Variants in LCLAT1 observed in about 807,000 individuals in gnomAD.
LCLAT1 encodes the protein lysocardiolipin acyltransferase 1.
LCLAT1 carries 11 observed loss-of-function variants against 30.7 expected under a neutral mutation model. That is an observed-to-expected ratio of 0.36 (90% CI 0.23 to 0.59). The LOEUF (loss-of-function observed/expected upper bound fraction) is 0.59. Among genes scored for constraint, LCLAT1 ranks in the 20% least tolerant of loss-of-function variants. The pLI is 0.77. For synonymous variants in LCLAT1, 155 were observed against 151.3 expected (o/e 1.02, Z -0.18); for missense variants, 402 against 458.6 (o/e 0.88, Z 1.13).
At chr2:30,525,880 G>A in intron 2 of LCLAT1, 125 bp downstream of exon 2, 1 of 727,836 alleles carries the variant, frequency 1.4e-6, no homozygotes, top group East Asian at 2.5e-5. Flanking sequence ...ACATCCTTCT[G>A]TATGCTTTAA....
At position 30,525,800 on chromosome 2, in the gene LCLAT1, T is replaced by G. The variant is rs1685690427; in HGVS notation, c.165+45T>G. The G allele has an allele frequency of 4.5e-6, 7 of 1,555,162 alleles. No individual in the cohort carries two copies. In the Admixed American group the frequency reaches 5.1e-5, roughly 11 times the overall value. On this transcript the variant is annotated intron_variant, in intron 2 of 5. Transcript: ENST00000379509. The stretch of plus-strand genomic sequence containing the variant: ...AGACTGTCTGCTTGTACTAGAGTGC[T>G]CCCCACCCCTGATAGATACCTAAAT...
chr2:30,562,441 C>T, intron 4 of LCLAT1, 149 bp downstream of exon 4: 1 of 566,818 alleles, frequency 1.8e-6, no homozygotes, highest in East Asian at 3.0e-5. Flanking sequence ...GAGGCTGAGA[C>T]TGGAAGATGG....
At chr2:30,601,845 CAACAA>C (rs1451614028) in intron 5 of LCLAT1, among the ~76,000 whole-genome samples, 2 of 149,840 alleles carry the variant, frequency 1.3e-5, no homozygotes, top group African/African-American at 2.5e-5. Flanking sequence ...TATTTATCTA[CAACAA>C]AACAAGGATC....
intron 5 of LCLAT1, among the ~76,000 whole-genome samples, chr2:30,584,670 G>A (rs1205330310): frequency 6.6e-6 from 1 of 152,174 alleles, no homozygotes; most frequent in Non-Finnish European, 1.5e-5. Context: ...AGATACTGAT[G>A]CAGCTTAGCA....
At chr2:30,494,030 AAAAT>A (rs947174554) in intron 1 of LCLAT1, among the ~76,000 whole-genome samples, 10 of 152,032 alleles carry the variant, frequency 6.6e-5, no homozygotes, top group East Asian at 1.9e-4. Flanking sequence ...TAAGTAATTA[AAAAT>A]AAATAAATAA....
chr2:30,569,753 A>G (rs2148452277), intron 5 of LCLAT1, among the ~76,000 whole-genome samples: 1 of 152,374 alleles, frequency 6.6e-6, no homozygotes, highest in Middle Eastern at 3.4e-3. Context: ...ATTCAAAATC[A>G]CATGGTATGG....
chr2:30,564,141 T>G (rs1316890462), intron 4 of LCLAT1, among the ~76,000 whole-genome samples: 1 of 152,150 alleles, frequency 6.6e-6, no homozygotes, highest in Non-Finnish European at 1.5e-5. Flanking sequence ...AAATTATAAG[T>G]GACAGGTGGC....
At chr2:30,591,518 A>G (rs984862944) in intron 5 of LCLAT1, among the ~76,000 whole-genome samples, 3 of 152,220 alleles carry the variant, frequency 2.0e-5, no homozygotes, top group Non-Finnish European at 4.4e-5. Context: ...CTTTAAACAA[A>G]GTAGTATGTT....
intron 5 of LCLAT1, among the ~76,000 whole-genome samples, chr2:30,585,951 T>A (rs1666414143): frequency 6.6e-6 from 1 of 152,132 alleles, no homozygotes; most frequent in Non-Finnish European, 1.5e-5. Context: ...TAAACTAGGT[T>A]GCTTAAAACA....
chr2:30,605,529 G>T (rs542547464), intron 5 of LCLAT1, among the ~76,000 whole-genome samples: 8 of 152,240 alleles, frequency 5.3e-5, no homozygotes, highest in Admixed American at 3.3e-4. Flanking sequence ...CTGCTTTAGT[G>T]TTTAAGAAAG....
intron 3 of LCLAT1, among the ~76,000 whole-genome samples, chr2:30,551,958 C>T (rs960358957): frequency 2.0e-5 from 3 of 152,176 alleles, no homozygotes; most frequent in African/African-American, 7.2e-5. Flanking sequence ...ACCTTAAATT[C>T]GTCTGATTAG....
intron 4 of LCLAT1, among the ~76,000 whole-genome samples, chr2:30,566,435 T>G (rs1169146778): frequency 6.6e-6 from 1 of 152,190 alleles, no homozygotes; most frequent in African/African-American, 2.4e-5. Context: ...TGAGAGGAAC[T>G]TACTACTCTT....
chr2:30,503,086 G>T (rs1183527103), intron 1 of LCLAT1, among the ~76,000 whole-genome samples: 1 of 152,308 alleles, frequency 6.6e-6, no homozygotes, highest in African/African-American at 2.4e-5. Flanking sequence ...TAGGAAAGGG[G>T]CAGTAACTTC....
At chr2:30,470,877 TTTTA>T (rs1169466992) in intron 1 of LCLAT1, among the ~76,000 whole-genome samples, 18 of 151,982 alleles carry the variant, frequency 1.2e-4, no homozygotes, top group Admixed American at 9.2e-4. Context: ...TAGTATTGTC[TTTTA>T]TTTATTTATT....
At chr2:30,506,011 C>T (rs943168216) in intron 1 of LCLAT1, among the ~76,000 whole-genome samples, 4 of 152,034 alleles carry the variant, frequency 2.6e-5, no homozygotes, top group Non-Finnish European at 2.9e-5. Flanking sequence ...TTATTAAATC[C>T]ATTAACGGTT....
chr2:30,568,107 C>A lies in LCLAT1; in HGVS notation c.559C>A (p.Gln187Lys). 1 of 1,609,044 alleles carries A rather than the reference C, an allele frequency of 6.2e-7. No individual in the cohort carries two copies. Among genetic ancestry groups the A allele is most frequent in the African/African-American group, 1.3e-5 (1 of 74,814 alleles). ...SNAFAEKNGL[Q>K]KYEYVLHPRT... ...TGCATTTGCTGAAAAAAATGGACTT[C>A]AGAAATATGAATATGTTTTACATCC... Residue 187 changes from glutamine (Q) to lysine (K), a missense_variant, in exon 5 of 6, where the codon CAG becomes AAG. Physicochemically the swap from Gln to Lys is moderately conservative, Grantham distance 53 (BLOSUM62 1). Coordinates refer to ENST00000379509, the MANE Select transcript of LCLAT1 (RefSeq NM_001002257.3).
At position 30,502,049 on chromosome 2, in the gene LCLAT1, T is replaced by G. The variant is rs138032413; in HGVS notation, c.-4-23538T>G. On this transcript the variant is annotated intron_variant, in intron 1 of 5. Coordinates refer to ENST00000379509, the MANE Select transcript of LCLAT1 (RefSeq NM_001002257.3). ...GATATTTTTTGTTAATATGTAAAAATTATACTAGTTGCACACAATTTGGAA... is the reference window on the plus strand; with the variant it reads ...GATATTTTTTGTTAATATGTAAAAAGTATACTAGTTGCACACAATTTGGAA... Among the ~76,000 whole-genome samples the G allele has an allele frequency of 3.0e-3, 457 of 152,270 alleles. 2 individuals carry two copies. The highest frequency in any genetic ancestry group is 0.011 in the African/African-American group (445 of 41,554).
At chr2:30,485,399 G>A (rs1194598785) in intron 1 of LCLAT1, among the ~76,000 whole-genome samples, 2 of 152,082 alleles carry the variant, frequency 1.3e-5, no homozygotes, top group South Asian at 2.1e-4. Context: ...GCAGTATCGT[G>A]CAATGTCATC....
At chr2:30,580,230 C>T (rs903782441) in intron 5 of LCLAT1, among the ~76,000 whole-genome samples, 3 of 152,056 alleles carry the variant, frequency 2.0e-5, no homozygotes, top group South Asian at 2.1e-4. Context: ...TGTAAATGGT[C>T]GTAATTTTAT....
Sources: gnomAD v4.1 joint callset for allele counts (sites outside exome capture counted in the v4.1 genomes callset) on GRCh38, gnomAD v4.1.1 for gene constraint, MANE v1.5 for transcripts, NCBI Gene and HGNC (gene_info 2026-07-23, HGNC 2026-07-21) for gene names.